GPR162: variants seen among roughly 807,000 people sequenced by gnomAD.
GPR162 encodes the protein G protein-coupled receptor 162, also known as probable G protein-coupled receptor 162.
Under a neutral mutation model 44.9 loss-of-function variants are expected in GPR162, and 26 were observed. The observed-to-expected ratio is 0.58, with a 90% CI of 0.42 to 0.80. The LOEUF (loss-of-function observed/expected upper bound fraction) is 0.80, where lower values mean the gene tolerates loss of function less well. Among genes scored for constraint, GPR162 ranks in the 30% least tolerant of loss-of-function variants. The pLI is 0.00. For missense variants in GPR162, 704 were observed against 802.3 expected, an observed-to-expected ratio of 0.88 and a Z score of 1.48; for synonymous variants, 363 against 335.2, an observed-to-expected ratio of 1.08 and a Z score of -0.91.
rs1480953860 is a variant in GPR162 at position 6,822,726 on chromosome 12, T to G, written c.-431-742T>G. On this transcript the variant is annotated intron_variant, in intron 1 of 4. Coordinates refer to ENST00000311268, the MANE Select transcript of GPR162 (RefSeq NM_019858.2). The surrounding 1 kb of genome is among the most constrained non-coding windows in gnomAD (Gnocchi z 4.2). The stretch of plus-strand genomic sequence containing the variant: ...TCCTATTCCCTGCTCCCTCCCTCCC[T>G]CCCTCCTCCAGTCCCTCCTCCCTCC... 7.3e-6 allele frequency among the ~76,000 whole-genome samples: 1 copy of G among 137,556 alleles called. No individual in the cohort carries two copies. The highest frequency in any genetic ancestry group is 1.6e-5 in the Non-Finnish European group (1 of 63,388). 90.2% of individuals were successfully genotyped at this position (137,556 alleles called of 152,430 possible).
In GPR162 at chr12:6,826,255, G is replaced by A. The variant is rs782634175; in HGVS notation, c.1117G>A (p.Gly373Arg). ...TTGCAAAGTTCGCTTTGATGCTAAC[G>A]GAGCCACAGGACCAGGGAGCCGGGA... ...RVCKVRFDAN[G>R]ATGPGSRDPA... The change falls in exon 4 of 5, where the codon GGA (glycine) becomes AGA (arginine). Residue 373 changes from glycine (G) to arginine (R), a missense_variant. By Grantham distance (125) the Gly-to-Arg change is moderately radical. Around this residue, in one of 6 missense-constraint regions of GPR162, gnomAD observed 404 missense variants for 314.1 expected, o/e 1.29. Transcript: ENST00000311268. The A allele has an allele frequency of 1.1e-5, 17 of 1,613,854 alleles. No individual in the cohort carries two copies. The highest frequency in any genetic ancestry group is 4.5e-5 in the East Asian group (2 of 44,894).
At chr12:6,824,878 C>T (rs781979088) in intron 2 of GPR162, 113 bp downstream of exon 2, 6 of 826,270 alleles carry the variant, frequency 7.3e-6, no homozygotes, top group East Asian at 2.6e-5. Flanking sequence ...CCTCCAGTTC[C>T]ATCATCCATC....
At position 6,823,734 on chromosome 12, in the gene GPR162, TG is replaced by T; in HGVS notation, c.-162del. The T allele has an allele frequency of 6.2e-7, 1 of 1,611,780 alleles. No individual in the cohort carries two copies. Among genetic ancestry groups the T allele is most frequent in the Non-Finnish European group, 8.5e-7 (1 of 1,178,374 alleles). On this transcript the variant is annotated 5_prime_UTR_variant, in exon 2 of 5. Transcript: ENST00000311268. ...CCTGCCCTCTACATCTGCCCTCAGC[TG>T]GGTCCATCATGCAATGCTGAGCACT... is the stretch of plus-strand genomic sequence containing the variant.
chr12:6,825,976 G>C (rs1555119970), intron 3 of GPR162, among the ~76,000 whole-genome samples: 2 of 152,174 alleles, frequency 1.3e-5, no homozygotes, highest in Non-Finnish European at 2.9e-5. Context: ...GGCTCTTGGG[G>C]GAGTGCAGGC....
rs1333383905 is a variant in GPR162, at chr12:6,824,382, C to T, written c.484C>T (p.Arg162Cys). ...CATTGGCTGGCACAACAACGGCGAG[C>T]GCTACTATGCCCGCGGCTGCCAGTT... ...PSIGWHNNGE[R>C]YYARGCQFIV... The change falls in exon 2 of 5, where the codon CGC becomes TGC. Residue 162 changes from arginine (R) to cysteine (C), a missense_variant. Physicochemically the swap from Arg to Cys is radical, Grantham distance 180 (BLOSUM62 -3). Coordinates refer to ENST00000311268, the MANE Select transcript of GPR162 (RefSeq NM_019858.2). 4 of 1,614,188 alleles carry T rather than the reference C, an allele frequency of 2.5e-6. No homozygotes were observed. Among genetic ancestry groups the T allele is most frequent in the East Asian group, 2.2e-5 (1 of 44,884 alleles).
At chr12:6,826,003 T>G in intron 3 of GPR162, among the ~76,000 whole-genome samples, 193 bp from the exon 4 acceptor site, 1 of 152,140 alleles carries the variant, frequency 6.6e-6, no homozygotes, top group East Asian at 1.9e-4. Flanking sequence ...TTCAATAACT[T>G]CATCTATATG....
intron 4 of GPR162, 102 bp downstream of exon 4, chr12:6,826,455 C>G: frequency 8.0e-7 from 1 of 1,250,012 alleles, no homozygotes; most frequent in Non-Finnish European, 1.1e-6. Context: ...CCCTGGCTTT[C>G]AGGGCACCAT....
At chr12:6,826,414 C>A in intron 4 of GPR162, 61 bp downstream of exon 4, 1 of 1,467,838 alleles carries the variant, frequency 6.8e-7, no homozygotes, top group Non-Finnish European at 9.3e-7. Flanking sequence ...TCTCCAGTGT[C>A]TGTTAGGCAC....
chr12:6,825,016 C>A, intron 2 of GPR162: 1 of 678,248 alleles, frequency 1.5e-6, no homozygotes, highest in Non-Finnish European at 2.7e-6. Context: ...AGCTCCATCA[C>A]CGTCCTTCAG....
chr12:6,823,765 T>A lies in GPR162; in HGVS notation c.-134T>A. On this transcript the variant is annotated 5_prime_UTR_variant, in exon 2 of 5. Coordinates refer to ENST00000311268, the MANE Select transcript of GPR162 (RefSeq NM_019858.2). ...CATCATGCAATGCTGAGCACTGGGG[T>A]GAGCCTGGGGGCAGCCTGCCTGCTG... is the stretch of plus-strand genomic sequence containing the variant. 1 of 1,613,156 alleles carries A rather than the reference T, an allele frequency of 6.2e-7. No homozygotes were observed. The highest frequency in any genetic ancestry group is 8.5e-7 in the Non-Finnish European group (1 of 1,179,468).
chr12:6,824,364 T>C lies in GPR162; in HGVS notation c.466T>C (p.Trp156Arg). The C allele has an allele frequency of 6.2e-7, 1 of 1,614,190 alleles. No homozygotes were observed. ...CCTCTCCACACTGCCCTCCATTGGCTGGCACAACAACGGCGAGCGCTACTA... is the reference window on the plus strand; with the variant it reads ...CCTCTCCACACTGCCCTCCATTGGCCGGCACAACAACGGCGAGCGCTACTA... ...FILSTLPSIG[W>R]HNNGERYYAR... Residue 156 changes from tryptophan (W) to arginine (R), a missense_variant, in exon 2 of 5, where the codon TGG (tryptophan) becomes CGG (arginine). Physicochemically the swap from Trp to Arg is moderately radical, Grantham distance 101. Around this residue, in one of 6 missense-constraint regions of GPR162, gnomAD observed 110 missense variants for 206.2 expected, o/e 0.53. Transcript: ENST00000311268.
chr12:6,827,262 T>A lies in GPR162; in HGVS notation c.*58T>A, dbSNP rs991482353. 1 of 1,377,604 alleles carries A rather than the reference T, an allele frequency of 7.3e-7. No individual in the cohort carries two copies. Among genetic ancestry groups the A allele is most frequent in the Admixed American group, 2.5e-5 (1 of 40,778 alleles). 85.3% of individuals were successfully genotyped at this position (1,377,604 alleles called of 1,614,324 possible). A position where few individuals can be genotyped will look rare whatever the true frequency, so the allele number is the denominator to read the frequency against. On this transcript the variant is annotated 3_prime_UTR_variant, in exon 5 of 5. Transcript: ENST00000311268. ...AGCCTGAGTGAGTAACACCTCATTC[T>A]GGCCGAGAGTAGGGCAGCTGCCTCC... is the stretch of plus-strand genomic sequence containing the variant.
At position 6,827,311 on chromosome 12, in the gene GPR162, G is replaced by C. The variant is rs1422866359; in HGVS notation, c.*107G>C. On this transcript the variant is annotated 3_prime_UTR_variant, in exon 5 of 5. Transcript: ENST00000311268. ...CCAGACTCTGGGGAGACGGGCGCTA[G>C]ATTTGGGGCTCAGAAGGCCCTGCTC... 3 of 930,032 alleles carry C rather than the reference G, an allele frequency of 3.2e-6. No individual in the cohort carries two copies. The highest frequency in any genetic ancestry group is 4.8e-6 in the Non-Finnish European group (3 of 628,218). The allele number at this position is 930,032 out of a possible 1,614,324, so 57.6% of individuals were successfully genotyped here.
rs555744061 is a variant in GPR162 at position 6,822,542 on chromosome 12, C to A, written c.-432+642C>A. Among the ~76,000 whole-genome samples the A allele has an allele frequency of 2.0e-5, 3 of 152,200 alleles. No homozygotes were observed. Among genetic ancestry groups the A allele is most frequent in the Non-Finnish European group, 1.5e-5 (1 of 68,030 alleles). ...GGGTTTCACCCGATTCCCTTACCCCCCTTCCCAGGGCTCACTGAAGCTCAG... is the reference window on the plus strand; with the variant it reads ...GGGTTTCACCCGATTCCCTTACCCCACTTCCCAGGGCTCACTGAAGCTCAG... On this transcript the variant is annotated intron_variant, in intron 1 of 4. Coordinates refer to ENST00000311268, the MANE Select transcript of GPR162 (RefSeq NM_019858.2). This position sits in a 1 kb window ranked among gnomAD's most constrained non-coding sequence, Gnocchi z 4.2.
At chr12:6,825,273 C>A in intron 2 of GPR162, 1 of 594,980 alleles carries the variant, frequency 1.7e-6, no homozygotes. Context: ...CTCCTGACCG[C>A]AGGGCTTTGT....
chr12:6,825,630 G>C lies in GPR162; in HGVS notation c.1014G>C (p.Trp338Cys). ...ERYRADVRTV[W>C]EQCVAIMSEE... ...ACCGCGCCGACGTGCGCACAGTGTG[G>C]GAGCAATGCGTGGCCATCATGTCTG... The change falls in exon 3 of 5, where the codon TGG becomes TGC. Residue 338 changes from tryptophan (W) to cysteine (C), a missense_variant. Trp to Cys is a radical substitution (Grantham distance 215). Around this residue, in one of 6 missense-constraint regions of GPR162, gnomAD observed 92 missense variants for 156.5 expected, o/e 0.59. Coordinates refer to ENST00000311268, the MANE Select transcript of GPR162 (RefSeq NM_019858.2). 6.3e-7 allele frequency: 1 copy of C among 1,586,328 alleles called. No homozygotes were observed. Among genetic ancestry groups the C allele is most frequent in the Middle Eastern group, 1.7e-4 (1 of 6,036 alleles).
chr12:6,825,395 C>A, intron 2 of GPR162, 89 bp from the exon 3 acceptor site: 4 of 753,796 alleles, frequency 5.3e-6, no homozygotes, highest in Non-Finnish European at 6.6e-6. Flanking sequence ...TTACTTCTGA[C>A]GTCTTGCCCA....
chr12:6,824,800 A>G (rs935188705), intron 2 of GPR162, 35 bp downstream of exon 2: 1 of 1,559,732 alleles, frequency 6.4e-7, no homozygotes, highest in Non-Finnish European at 8.8e-7. Context: ...GTTCTCCCCA[A>G]TATCCAGGCC....
In GPR162 at chr12:6,826,666, G is replaced by T; in HGVS notation, c.1229G>T (p.Arg410Leu). ...RVHYLQVPLS[R>L]RLSHDETNIF... ...TCCTCTTCCCAGGTCCCCCTATCCC[G>T]GCGTCTGTCCCATGATGAGACAAAC... is the stretch of plus-strand genomic sequence containing the variant. The change falls in exon 5 of 5, where the codon CGG (arginine) becomes CTG (leucine). Residue 410 changes from arginine (R) to leucine (L), a missense_variant. This residue lies in a region of GPR162 where 404 missense variants were observed against 314.1 expected (regional missense o/e 1.29). Coordinates refer to ENST00000311268, the MANE Select transcript of GPR162 (RefSeq NM_019858.2). 1 of 1,520,650 alleles carries T rather than the reference G, an allele frequency of 6.6e-7. No individual in the cohort carries two copies. Among genetic ancestry groups the T allele is most frequent in the Non-Finnish European group, 8.8e-7 (1 of 1,136,248 alleles). 94.2% of individuals were successfully genotyped at this position (1,520,650 alleles called of 1,614,324 possible). A position where few individuals can be genotyped will look rare whatever the true frequency, so the allele number is the denominator to read the frequency against.
Sources: gnomAD v4.1 joint callset for allele counts (sites outside exome capture counted in the v4.1 genomes callset) on GRCh38, gnomAD v4.1.1 for gene constraint, gnomAD v4.1.1 regional missense constraint, Gnocchi (gnomAD v3.1) non-coding constraint, MANE v1.5 for transcripts, NCBI Gene and HGNC (gene_info 2026-07-23, HGNC 2026-07-21) for gene names.